Variants in RSPRY1 observed in about 807,000 individuals in gnomAD.
The protein encoded by RSPRY1 is RING finger and SPRY domain-containing protein 1.
Under a neutral mutation model 73.1 loss-of-function variants are expected in RSPRY1, and 23 were observed. The ratio of observed to expected loss-of-function variants is 0.31; its 90% CI spans 0.23 to 0.45. The LOEUF is 0.45. Ranked by LOEUF, RSPRY1 falls within the 20% of genes least tolerant of loss-of-function variation. RSPRY1 has a pLI of 1.00. For missense variants in RSPRY1, 448 were observed against 698.7 expected, an observed-to-expected ratio of 0.64 and a Z score of 4.05; for synonymous variants, 226 against 251.4, an observed-to-expected ratio of 0.90 and a Z score of 0.95.
chr16:57,202,531 T>C (rs1198944632), intron 1 of RSPRY1, among the ~76,000 whole-genome samples: 1 of 152,206 alleles, frequency 6.6e-6, no homozygotes, highest in African/African-American at 2.4e-5. Flanking sequence ...CATACTCTGA[T>C]CCCCACAGTA....
chr16:57,236,256 T>C (rs1055991036), intron 14 of RSPRY1, among the ~76,000 whole-genome samples: 1 of 152,228 alleles, frequency 6.6e-6, no homozygotes, highest in Admixed American at 6.5e-5. Flanking sequence ...TTAATCATCT[T>C]TGAGCTCTCT....
intron 11 of RSPRY1, among the ~76,000 whole-genome samples, chr16:57,227,754 C>T (rs913175220): frequency 3.9e-5 from 6 of 152,070 alleles, no homozygotes; most frequent in Non-Finnish European, 8.8e-5. Context: ...TTAAAGCAGC[C>T]ATGGCAATAT....
At chr16:57,232,386 A>G (rs1340698609) in intron 13 of RSPRY1, among the ~76,000 whole-genome samples, 41 of 152,182 alleles carry the variant, frequency 2.7e-4, no homozygotes, top group Admixed American at 2.7e-3. Flanking sequence ...ATAGCCCAAG[A>G]ACATAAGGGT....
In RSPRY1 at chr16:57,235,592, G is replaced by A. The variant is rs545854683; in HGVS notation, c.1634+364G>A. Among the ~76,000 whole-genome samples the A allele has an allele frequency of 3.9e-5, 6 of 152,334 alleles. No homozygotes were observed. The South Asian group carries it at 1.0e-3, about 26-fold the overall frequency. On this transcript the variant is annotated intron_variant, in intron 14 of 14. Coordinates refer to ENST00000394420, the MANE Select transcript of RSPRY1 (RefSeq NM_133368.3). ...TCATCTTACTAAATTTCAGTTGTAT[G>A]AGATGAACTCAGAGGGCAGCCTGGA...
intron 1 of RSPRY1, among the ~76,000 whole-genome samples, chr16:57,190,927 CATTCCGCTTT>C (rs1235182460): frequency 6.2e-4 from 95 of 152,310 alleles, no homozygotes; most frequent in African/African-American, 2.2e-3. Flanking sequence ...TCTTAGAGAA[CATTCCGCTTT>C]GTTTCTGAGC....
chr16:57,221,858 G>C (rs1438924212), intron 10 of RSPRY1, among the ~76,000 whole-genome samples: 1 of 152,104 alleles, frequency 6.6e-6, no homozygotes, highest in Non-Finnish European at 1.5e-5. Context: ...GTAATTAGTT[G>C]GCATATTTTT....
intron 14 of RSPRY1, 76 bp from the exon 15 acceptor site, chr16:57,238,803 T>C: frequency 2.8e-6 from 2 of 709,556 alleles, no homozygotes; most frequent in South Asian, 4.8e-5. Context: ...TTAACATTTT[T>C]GATTTAGTTG....
At chr16:57,186,557 C>G (rs2074189281) in intron 1 of RSPRY1, 106 bp downstream of exon 1, 1 of 153,094 alleles carries the variant, frequency 6.5e-6, no homozygotes. Flanking sequence ...GCCGCTCGAG[C>G]CTGGGGCGGG....
intron 4 of RSPRY1, among the ~76,000 whole-genome samples, chr16:57,211,322 C>A (rs1243035098): frequency 6.6e-6 from 1 of 150,452 alleles, no homozygotes; most frequent in Non-Finnish European, 1.5e-5. Flanking sequence ...GTAATCCCAA[C>A]ACTTTGGGAG....
intron 14 of RSPRY1, among the ~76,000 whole-genome samples, chr16:57,236,615 T>C (rs914748212): frequency 6.6e-6 from 1 of 152,214 alleles, no homozygotes; most frequent in African/African-American, 2.4e-5. Flanking sequence ...CTAAGGCTAG[T>C]TTCACAGGTG....
intron 14 of RSPRY1, among the ~76,000 whole-genome samples, chr16:57,237,178 C>T (rs781339219): frequency 2.0e-5 from 3 of 152,146 alleles, no homozygotes; most frequent in Non-Finnish European, 4.4e-5. Flanking sequence ...GAGTCTTGCT[C>T]TGTCGTCCAG....
At chr16:57,202,052 T>G (rs1172442970) in intron 1 of RSPRY1, among the ~76,000 whole-genome samples, 1 of 152,020 alleles carries the variant, frequency 6.6e-6, no homozygotes, top group African/African-American at 2.4e-5. Context: ...CCGAGCAGGA[T>G]AGCTCACACC....
At position 57,204,939 on chromosome 16, in the gene RSPRY1, G is replaced by T; in HGVS notation, c.281G>T (p.Arg94Met). The stretch of plus-strand genomic sequence containing the variant: ...AGGGGCCGAGGACCTCATGAGCCAA[G>T]GAGAAAGAAACAAAATGTGGATGGG... Reference protein sequence around the residue: ...PRRGRGPHEPRRKKQNVDGLV... With the variant: ...PRRGRGPHEPMRKKQNVDGLV... Residue 94 changes from arginine to methionine, a missense_variant, in exon 2 of 15, where the codon AGG becomes ATG. Physicochemically the swap from Arg to Met is moderately conservative, Grantham distance 91 (BLOSUM62 -1). Transcript: ENST00000394420. 1 of 1,614,188 alleles carries T rather than the reference G, an allele frequency of 6.2e-7. No individual in the cohort carries two copies. Among genetic ancestry groups the T allele is most frequent in the East Asian group, 2.2e-5 (1 of 44,892 alleles).
intron 6 of RSPRY1, among the ~76,000 whole-genome samples, chr16:57,215,044 T>G (rs1178304762): frequency 2.0e-5 from 3 of 150,622 alleles, no homozygotes; most frequent in Non-Finnish European, 4.4e-5. Flanking sequence ...AAAAAAAGAC[T>G]AAATGAGAAG....
At chr16:57,230,880 A>G in intron 12 of RSPRY1, 67 bp downstream of exon 12, 1 of 956,116 alleles carries the variant, frequency 1.0e-6, no homozygotes, top group South Asian at 1.4e-5. Flanking sequence ...TAGGAAAAAA[A>G]AAGTCTTTGT....
chr16:57,226,199 C>T (rs1414148956), intron 10 of RSPRY1, among the ~76,000 whole-genome samples: 1 of 152,164 alleles, frequency 6.6e-6, no homozygotes, highest in Non-Finnish European at 1.5e-5. Flanking sequence ...TTTGAAATCT[C>T]TGAATATTTG....
chr16:57,200,682 C>A (rs377286294), intron 1 of RSPRY1, among the ~76,000 whole-genome samples: 1 of 38,556 alleles, frequency 2.6e-5, no homozygotes, highest in East Asian at 8.9e-4. Context: ...CACCTCCCTC[C>A]CGGACGGGGC....
At chr16:57,202,110 T>C (rs1172475616) in intron 1 of RSPRY1, among the ~76,000 whole-genome samples, 1 of 151,988 alleles carries the variant, frequency 6.6e-6, no homozygotes, top group Non-Finnish European at 1.5e-5. Context: ...TATTTGAGGC[T>C]AGGAGTTCAA....
intron 4 of RSPRY1, among the ~76,000 whole-genome samples, chr16:57,211,619 T>C (rs2074844947): frequency 6.6e-6 from 1 of 152,020 alleles, no homozygotes; most frequent in Non-Finnish European, 1.5e-5. Context: ...TGAATCTTAC[T>C]CAAATGTATT....
Sources: gnomAD v4.1 joint callset for allele counts (sites outside exome capture counted in the v4.1 genomes callset) on GRCh38, gnomAD v4.1.1 for gene constraint, MANE v1.5 for transcripts, NCBI Gene and HGNC (gene_info 2026-07-23, HGNC 2026-07-21) for gene names.